ABI3BP: variants seen among roughly 807,000 people sequenced by gnomAD.
The protein encoded by ABI3BP is target of Nesh-SH3.
Under a neutral mutation model 268.6 loss-of-function variants are expected in ABI3BP, and 216 were observed. The ratio of observed to expected loss-of-function variants is 0.80; its 90% CI spans 0.72 to 0.90. ABI3BP has a LOEUF of 0.90. Among genes scored for constraint, ABI3BP ranks in the 40% least tolerant of loss-of-function variants. ABI3BP has a pLI of 0.00. For missense variants in ABI3BP, 2,090 were observed against 2,182.4 expected (o/e 0.96, Z 0.84); for synonymous variants, 730 against 730.0 (o/e 1.00, Z 0.00).
chr3:100,886,449 AT>A, intron 4 of ABI3BP, 126 bp from the exon 5 acceptor site: 3 of 636,022 alleles, frequency 4.7e-6, no homozygotes, highest in Non-Finnish European at 7.0e-6. Context: ...TTCTCTTCCG[AT>A]TTTTAAAAAA....
At chr3:100,842,464 G>A (rs1453029263) in intron 20 of ABI3BP, among the ~76,000 whole-genome samples, 1 of 152,096 alleles carries the variant, frequency 6.6e-6, no homozygotes, top group Non-Finnish European at 1.5e-5. Flanking sequence ...CAGCTTGGCT[G>A]GACCTGACGT....
intron 1 of ABI3BP, among the ~76,000 whole-genome samples, chr3:100,929,712 T>C (rs952614854): frequency 1.3e-5 from 2 of 151,996 alleles, no homozygotes; most frequent in Admixed American, 6.6e-5. Context: ...ACCCTTACAA[T>C]CCTCTCACAT....
chr3:100,785,889 A>G (rs1413125864), intron 57 of ABI3BP, among the ~76,000 whole-genome samples: 1 of 152,154 alleles, frequency 6.6e-6, no homozygotes, highest in Non-Finnish European at 1.5e-5. Context: ...TTGTGCATAT[A>G]ATTGGATAAT....
chr3:100,844,417 C>T (rs2098744226), intron 20 of ABI3BP: 20 of 985,296 alleles, frequency 2.0e-5, no homozygotes, highest in Non-Finnish European at 2.4e-5. Context: ...AAAACAAGCC[C>T]AAATCAATGT....
chr3:100,829,465 C>G, intron 33 of ABI3BP, 116 bp downstream of exon 33: 1 of 915,158 alleles, frequency 1.1e-6, no homozygotes, highest in East Asian at 2.7e-5. Context: ...CAGCCCTGTT[C>G]CTCATTGCCT....
intron 9 of ABI3BP, among the ~76,000 whole-genome samples, chr3:100,868,606 T>A (rs915333010): frequency 6.6e-6 from 1 of 152,202 alleles, no homozygotes; most frequent in Non-Finnish European, 1.5e-5. Context: ...CAGTTTTCAA[T>A]CCCTACTTGA....
In ABI3BP at chr3:100,752,905, G is replaced by A; in HGVS notation, c.5004C>T (p.Asp1668=). 6.2e-7 allele frequency: 1 copy of A among 1,613,436 alleles called. No homozygotes were observed. Among genetic ancestry groups the A allele is most frequent in the South Asian group, 1.1e-5 (1 of 91,058 alleles). The change falls in exon 66 of 68, where the codon GAC becomes GAT. Residue 1668 remains aspartate, a synonymous_variant. Coordinates refer to ENST00000471714, the MANE Select transcript of ABI3BP (RefSeq NM_001375547.2). ...AIWTERPFNS[D]SYSECKGKQY... is the part of the protein sequence containing the mutation. ...GTTTGCCCTTACACTCTGAGTAAGA[G>A]TCTGAATTAAAGGGTCTTTCAGTCC...
intron 4 of ABI3BP, among the ~76,000 whole-genome samples, chr3:100,896,378 A>T (rs531350349): frequency 2.0e-5 from 3 of 152,270 alleles, no homozygotes; most frequent in East Asian, 3.9e-4. Flanking sequence ...GGCAACATCT[A>T]TCAATTAGAA....
chr3:100,917,728 A>G lies in ABI3BP; in HGVS notation c.259+8574T>C, dbSNP rs543200782. 2.1e-4 allele frequency among the ~76,000 whole-genome samples: 32 copies of G among 152,280 alleles called. No homozygotes were observed. In the South Asian group the frequency reaches 5.6e-3, roughly 27 times the overall value. On this transcript the variant is annotated intron_variant, in intron 2 of 67. Transcript: ENST00000471714. ...TTGAAAAAACTGTGCTTTATAGTAAAATATTGTGAATTTTTGTATTGTACT... is the reference window on the plus strand; with the variant it reads ...TTGAAAAAACTGTGCTTTATAGTAAGATATTGTGAATTTTTGTATTGTACT...
chr3:100,910,372 A>G (rs753868128), intron 2 of ABI3BP, among the ~76,000 whole-genome samples: 4 of 152,160 alleles, frequency 2.6e-5, no homozygotes, highest in Non-Finnish European at 4.4e-5. Context: ...ACAAACCTGC[A>G]TATTCTGCAC....
In ABI3BP at chr3:100,765,867, T is replaced by A. The variant is rs1329276434; in HGVS notation, c.4824A>T (p.Thr1608=). Residue 1608 remains threonine (T), a synonymous_variant, in exon 63 of 68, where the codon ACA becomes ACT. Transcript: ENST00000471714. ...TCGTGTTTGGTTTCAGATTTTCTAC[T>A]GTGGAAAATGTCTGATTTGTCATTT... ...SIQMTNQTFS[T]VENLKPNTSY... is the part of the protein sequence containing the mutation. 1 of 1,611,414 alleles carries A rather than the reference T, an allele frequency of 6.2e-7. No homozygotes were observed. Among genetic ancestry groups the A allele is most frequent in the Admixed American group, 1.7e-5 (1 of 59,786 alleles).
At chr3:100,756,697 T>A (rs2095635578) in intron 63 of ABI3BP, among the ~76,000 whole-genome samples, 1 of 151,986 alleles carries the variant, frequency 6.6e-6, no homozygotes, top group South Asian at 2.1e-4. Context: ...GCTGGAATTG[T>A]CTCCATGTCT....
At chr3:100,766,846 T>C (rs1316578780) in intron 62 of ABI3BP, among the ~76,000 whole-genome samples, 1 of 152,218 alleles carries the variant, frequency 6.6e-6, no homozygotes, top group East Asian at 1.9e-4. Context: ...AATATGCAAG[T>C]ACTGGACATC....
In ABI3BP at chr3:100,876,530, T is replaced by G; in HGVS notation, c.727A>C (p.Ile243Leu). The change falls in exon 7 of 68, where the codon ATA (isoleucine) becomes CTA (leucine). Residue 243 changes from isoleucine to leucine, a missense_variant. Ile to Leu is a conservative substitution (Grantham distance 5). Transcript: ENST00000471714. ...PAYVPRKLIPITIIKQVIQNV... is the reference protein window; with the variant it reads ...PAYVPRKLIPLTIIKQVIQNV... The stretch of plus-strand genomic sequence containing the variant: ...AAATTACCTTGCTTGATGATTGTTA[T>G]TGGGATTAGTTTCCTTGGGACATAT... The G allele has an allele frequency of 6.2e-7, 1 of 1,613,494 alleles. No homozygotes were observed. The highest frequency in any genetic ancestry group is 1.3e-5 in the African/African-American group (1 of 75,004).
At chr3:100,809,989 T>C (rs1282370569) in intron 49 of ABI3BP, among the ~76,000 whole-genome samples, 2 of 152,094 alleles carry the variant, frequency 1.3e-5, no homozygotes, top group African/African-American at 4.8e-5. Flanking sequence ...CCCCCTTTCA[T>C]GTGGATTGCA....
At chr3:100,850,147 A>C in intron 16 of ABI3BP, 28 bp from the exon 17 acceptor site, 1 of 1,587,358 alleles carries the variant, frequency 6.3e-7, no homozygotes, top group Non-Finnish European at 8.6e-7. Flanking sequence ...CCAACCCATC[A>C]AATAATCCCA....
chr3:100,962,743 C>T (rs1024875139), intron 1 of ABI3BP, among the ~76,000 whole-genome samples: 2 of 152,196 alleles, frequency 1.3e-5, no homozygotes, highest in African/African-American at 4.8e-5. Flanking sequence ...TCCATAAGCT[C>T]AAACTCATCT....
chr3:100,753,740 A>G, intron 65 of ABI3BP, 79 bp downstream of exon 65: 1 of 1,514,606 alleles, frequency 6.6e-7, no homozygotes, highest in Non-Finnish European at 9.0e-7. Context: ...CGAAATCATG[A>G]TTCAGATTCT....
chr3:100,936,926 C>G (rs1324550557), intron 1 of ABI3BP, among the ~76,000 whole-genome samples: 1 of 151,956 alleles, frequency 6.6e-6, no homozygotes, highest in East Asian at 1.9e-4. Context: ...TTCAAAGAAC[C>G]AGCTCCTGGA....
Sources: allele counts gnomAD v4.1 joint callset (sites outside exome capture counted in the v4.1 genomes callset), GRCh38; gene constraint gnomAD v4.1.1; transcripts MANE v1.5; gene names NCBI Gene and HGNC (gene_info 2026-07-23, HGNC 2026-07-21).